FSTL4: variants seen among roughly 807,000 people sequenced by gnomAD.
FSTL4 encodes follistatin like 4, also known as follistatin-related protein 4.
Under a neutral mutation model 78.2 loss-of-function variants are expected in FSTL4, and 28 were observed. The ratio of observed to expected loss-of-function variants is 0.36; its 90% CI spans 0.27 to 0.49. FSTL4 has a LOEUF of 0.49. Ranked by LOEUF, FSTL4 falls within the 20% of genes least tolerant of loss-of-function variation. FSTL4 has a pLI of 0.98. For missense variants in FSTL4, 922 were observed against 1,084.9 expected (o/e 0.85, Z 2.11); for synonymous variants, 422 against 440.5 (o/e 0.96, Z 0.53).
At chr5:133,668,892 T>A in the FSTL4 span, among the ~76,000 whole-genome samples, 206 of 152,318 alleles carry the variant, frequency 1.4e-3, 2 homozygotes, top group Non-Finnish European at 2.1e-3. Flanking sequence ...AAATATGTCA[T>A]AAGCAGAAAG....
At chr5:133,209,317 C>T (rs1750628467) in intron 14 of FSTL4, among the ~76,000 whole-genome samples, 1 of 152,110 alleles carries the variant, frequency 6.6e-6, no homozygotes, top group Non-Finnish European at 1.5e-5. Context: ...GGTCTTTCTG[C>T]CCTCTTGCCA....
chr5:133,675,578 A>G, the FSTL4 span, among the ~76,000 whole-genome samples: 1 of 152,174 alleles, frequency 6.6e-6, no homozygotes, highest in Non-Finnish European at 1.5e-5. Context: ...TGCTGGTGCC[A>G]ATGCCTAGCG....
At chr5:133,301,770 C>A (rs527928619) in intron 6 of FSTL4, among the ~76,000 whole-genome samples, 41 of 152,316 alleles carry the variant, frequency 2.7e-4, no homozygotes, top group Non-Finnish European at 4.3e-4. Flanking sequence ...GGCCTCCTTG[C>A]ACCTTCCCTG....
At chr5:133,708,769 C>T in the FSTL4 span, among the ~76,000 whole-genome samples, 1 of 152,186 alleles carries the variant, frequency 6.6e-6, no homozygotes, top group African/African-American at 2.4e-5. Flanking sequence ...TAGGCCAGCC[C>T]AGGGAGTTGC....
chr5:133,773,248 T>A, the FSTL4 span, among the ~76,000 whole-genome samples: 7 of 149,300 alleles, frequency 4.7e-5, no homozygotes, highest in African/African-American at 1.8e-4. Context: ...CAAAATAAGT[T>A]CATATGACCA....
At chr5:133,688,283 T>C in the FSTL4 span, among the ~76,000 whole-genome samples, 2 of 151,996 alleles carry the variant, frequency 1.3e-5, no homozygotes, top group Non-Finnish European at 2.9e-5. Context: ...CGTGGTGAAG[T>C]ATGCCTGTAG....
chr5:133,450,860 G>A (rs537223066), intron 3 of FSTL4, among the ~76,000 whole-genome samples: 1 of 152,166 alleles, frequency 6.6e-6, no homozygotes, highest in Non-Finnish European at 1.5e-5. Flanking sequence ...CAGACCAATG[G>A]GGGAGAGCCA....
chr5:133,549,775 T>C (rs187633753), intron 3 of FSTL4, among the ~76,000 whole-genome samples: 2 of 152,236 alleles, frequency 1.3e-5, no homozygotes, highest in Non-Finnish European at 2.9e-5. Context: ...TAGTCTGTTA[T>C]ATGAATTCTA....
At chr5:133,615,844 G>A (rs77475985), upstream of FSTL4, among the ~76,000 whole-genome samples, 11 of 152,266 alleles carry the variant, frequency 7.2e-5, no homozygotes, top group East Asian at 1.7e-3. Context: ...GAAATTTTTC[G>A]AGACAAAGAA....
At chr5:133,329,300 G>A (rs1754287033) in intron 4 of FSTL4, among the ~76,000 whole-genome samples, 7 of 152,124 alleles carry the variant, frequency 4.6e-5, no homozygotes, top group Admixed American at 4.6e-4. Flanking sequence ...GGGTCCTAGC[G>A]ATCCTGACCT....
intron 13 of FSTL4, among the ~76,000 whole-genome samples, chr5:133,212,999 A>G (rs1750785924): frequency 2.0e-5 from 3 of 148,658 alleles, no homozygotes; most frequent in Non-Finnish European, 4.4e-5. Context: ...CTCAGTGAAG[A>G]ATAGAAAGTA....
At chr5:133,560,616 G>A (rs751876620) in intron 3 of FSTL4, among the ~76,000 whole-genome samples, 13 of 151,906 alleles carry the variant, frequency 8.6e-5, no homozygotes, top group Non-Finnish European at 1.3e-4. Flanking sequence ...TGGCCACCTC[G>A]GCCTCCCAAA....
Position 133,233,519 on chromosome 5 carries a change from A to T in FSTL4, c.913T>A (p.Ser305Thr), listed in dbSNP as rs1355204274. The stretch of plus-strand genomic sequence containing the variant: ...GTGGTCACCTTGGTGATGTACAGGG[A>T]ATCATCCTCTCCAAAGTCCTGCACA... ...EDINDFGEDD[S>T]LYITKVTTIH... is the part of the protein sequence containing the mutation. Residue 305 changes from serine to threonine, a missense_variant, in exon 8 of 16, where the codon TCC becomes ACC. Transcript: ENST00000265342. 1 of 1,614,094 alleles carries T rather than the reference A, an allele frequency of 6.2e-7. No homozygotes were observed. The highest frequency in any genetic ancestry group is 8.5e-7 in the Non-Finnish European group (1 of 1,179,988).
At chr5:133,626,806 A>G in the FSTL4 span, among the ~76,000 whole-genome samples, 1 of 152,062 alleles carries the variant, frequency 6.6e-6, no homozygotes, top group African/African-American at 2.4e-5. Flanking sequence ...GGCCCAGTAT[A>G]TGGTCTATTT....
the FSTL4 span, among the ~76,000 whole-genome samples, chr5:133,836,675 C>G: frequency 6.6e-6 from 1 of 151,740 alleles, no homozygotes; most frequent in Admixed American, 6.6e-5. Flanking sequence ...TAATTTCTCA[C>G]AATTTTTGTC....
chr5:133,381,143 AGT>A (rs1755558317), intron 4 of FSTL4, among the ~76,000 whole-genome samples: 1 of 152,228 alleles, frequency 6.6e-6, no homozygotes, highest in African/African-American at 2.4e-5. Flanking sequence ...AGTGAAGTAC[AGT>A]GCCTAGAGTA....
chr5:133,377,271 T>C lies in FSTL4; in HGVS notation c.409+23467A>G, dbSNP rs187240932. 7.9e-5 allele frequency among the ~76,000 whole-genome samples: 12 copies of C among 151,742 alleles called. No individual in the cohort carries two copies. In the East Asian group the frequency reaches 2.1e-3, roughly 27 times the overall value. On this transcript the variant is annotated intron_variant, in intron 4 of 15. Transcript: ENST00000265342. ...AAGTTCCCTCACCCCAGTTTACTCA[T>C]AGGACAGAGATTTCATGCTGGGAGA...
the FSTL4 span, among the ~76,000 whole-genome samples, chr5:133,658,206 T>C: frequency 6.6e-6 from 1 of 152,196 alleles, no homozygotes; most frequent in African/African-American, 2.4e-5. Context: ...TTCACATCTA[T>C]GTTCATAGGA....
At position 133,389,432 on chromosome 5, in the gene FSTL4, G is replaced by C. The variant is rs544182678; in HGVS notation, c.409+11306C>G. 7.4e-4 allele frequency among the ~76,000 whole-genome samples: 113 copies of C among 152,270 alleles called. 1 individual carries two copies. The highest frequency in any genetic ancestry group is 2.6e-3 in the African/African-American group (108 of 41,560). ...GTTGAGAGACGCCCTTGAAAATCTG[G>C]AGTTCTGCAGGTGGGTGGGAAGGAG... On this transcript the variant is annotated intron_variant, in intron 4 of 15. Transcript: ENST00000265342.
Sources: gnomAD v4.1 joint callset for allele counts (sites outside exome capture counted in the v4.1 genomes callset) on GRCh38, gnomAD v4.1.1 for gene constraint, MANE v1.5 for transcripts, NCBI Gene and HGNC (gene_info 2026-07-23, HGNC 2026-07-21) for gene names.